The following ZHX3 variants were observed in gnomAD, a reference collection of about 807,000 sequenced individuals.
ZHX3 encodes zinc fingers and homeoboxes protein 3.
ZHX3 carries 20 observed loss-of-function variants against 64.5 expected under a neutral mutation model. The ratio of observed to expected loss-of-function variants is 0.31; its 90% CI spans 0.22 to 0.45. The LOEUF (loss-of-function observed/expected upper bound fraction) is 0.45, where lower values mean the gene tolerates loss of function less well. Ranked by LOEUF, ZHX3 falls within the 20% of genes least tolerant of loss-of-function variation. The pLI, the probability that ZHX3 is intolerant of heterozygous loss-of-function variation, is 1.00. For missense variants in ZHX3, 1,041 were observed against 1,195.8 expected, an observed-to-expected ratio of 0.87 and a Z score of 1.91; for synonymous variants, 423 against 461.6, an observed-to-expected ratio of 0.92 and a Z score of 1.07.
At position 41,185,842 on chromosome 20, in the gene ZHX3, CCAATGG is replaced by C. The variant is rs1160044789; in HGVS notation, c.2861-647_2861-642del. 1 of 152,328 alleles carries C rather than the reference CCAATGG, an allele frequency of 6.6e-6. No homozygotes were observed. The highest frequency in any genetic ancestry group is 6.5e-5 in the Admixed American group (1 of 15,290). 9.4% of individuals were successfully genotyped at this position (152,328 alleles called of 1,614,324 possible). ...CTGTCTCAGACAGAAGAGAACAATG[CCAATGG>C]CAATGGCCACCCCCTGCCATTCCTG... On this transcript the variant is annotated intron_variant, in intron 3 of 3. Transcript: ENST00000683867. This position sits in a 1 kb window ranked among gnomAD's most constrained non-coding sequence, Gnocchi z 5.0.
chr20:41,272,894 A>G (rs76039924), intron 1 of ZHX3, among the ~76,000 whole-genome samples: 2,836 of 152,300 alleles, frequency 0.019, 29 homozygotes, highest in Middle Eastern at 0.031. Flanking sequence ...TATAAACAGG[A>G]GTGGAATTGC....
intron 2 of ZHX3, among the ~76,000 whole-genome samples, chr20:41,268,389 G>A (rs975915901): frequency 2.2e-4 from 34 of 152,018 alleles, no homozygotes; most frequent in African/African-American, 4.3e-4. Flanking sequence ...TTTGCTTTCC[G>A]TATTAAGTTT....
At chr20:41,245,312 C>T (rs1203336617) in intron 2 of ZHX3, among the ~76,000 whole-genome samples, 2 of 152,236 alleles carry the variant, frequency 1.3e-5, no homozygotes, top group African/African-American at 4.8e-5. Flanking sequence ...CAGACTCCTC[C>T]ATGCTGTGCC....
chr20:41,225,956 T>C (rs929506969), intron 2 of ZHX3, among the ~76,000 whole-genome samples: 2 of 152,222 alleles, frequency 1.3e-5, no homozygotes, highest in Non-Finnish European at 2.9e-5. Flanking sequence ...ACCATACTAC[T>C]TTCTAAGAGT....
In ZHX3 at chr20:41,228,504, G is replaced by A. The variant is rs146489910; in HGVS notation, c.-150-23438C>T. Among the ~76,000 whole-genome samples, 200 of 152,324 alleles carry A rather than the reference G, an allele frequency of 1.3e-3. No homozygotes were observed. The highest frequency in any genetic ancestry group is 4.5e-3 in the African/African-American group (187 of 41,570). On this transcript the variant is annotated intron_variant, in intron 2 of 3. Coordinates refer to ENST00000683867, the MANE Select transcript of ZHX3 (RefSeq NM_001384317.1). The surrounding 1 kb of genome is among the most constrained non-coding windows in gnomAD (Gnocchi z 4.6). The stretch of plus-strand genomic sequence containing the variant: ...TTCTTGAGGCCAGGAAGTCCAAGAT[G>A]AAGGTGCTGGCATATTCAGTGTCTG...
chr20:41,296,008 C>A (rs1349111446), intron 1 of ZHX3, among the ~76,000 whole-genome samples: 1 of 152,046 alleles, frequency 6.6e-6, no homozygotes, highest in Non-Finnish European at 1.5e-5. Flanking sequence ...AGTTCATAAA[C>A]AACCAAAAAG....
chr20:41,206,774 A>G (rs927333133), intron 2 of ZHX3, among the ~76,000 whole-genome samples: 2 of 152,218 alleles, frequency 1.3e-5, no homozygotes, highest in Admixed American at 1.3e-4. Flanking sequence ...GCAGGCCAAC[A>G]TTAAAATTCA....
At position 41,236,651 on chromosome 20, in the gene ZHX3, G is replaced by C. The variant is rs910103130; in HGVS notation, c.-150-31585C>G. On this transcript the variant is annotated intron_variant, in intron 2 of 3. Coordinates refer to ENST00000683867, the MANE Select transcript of ZHX3 (RefSeq NM_001384317.1). ...TGGATTAAAGACTTAAATGTTAGAC[G>C]TAAAACCATAAAAACCCTAGAAGAA... Among the ~76,000 whole-genome samples the C allele has an allele frequency of 2.1e-3, 325 of 152,090 alleles. 3 individuals carry two copies. Among genetic ancestry groups the C allele is most frequent in the South Asian group, 0.016 (75 of 4,814 alleles).
chr20:41,190,152 A>ATT (rs1228592400), intron 3 of ZHX3, among the ~76,000 whole-genome samples: 1 of 152,070 alleles, frequency 6.6e-6, no homozygotes, highest in Non-Finnish European at 1.5e-5. Context: ...TTGCATTATA[A>ATT]TTTTTTGAGA....
chr20:41,310,409 C>T (rs577829972), intron 1 of ZHX3, among the ~76,000 whole-genome samples: 1 of 152,266 alleles, frequency 6.6e-6, no homozygotes, highest in South Asian at 2.1e-4. Context: ...TGATAACCAC[C>T]ACCAGACTTG....
At chr20:41,190,346 G>T (rs773517177) in intron 3 of ZHX3, among the ~76,000 whole-genome samples, 2 of 151,988 alleles carry the variant, frequency 1.3e-5, no homozygotes, top group Non-Finnish European at 2.9e-5. Context: ...GGCTAATTTT[G>T]TATTTTTAGA....
chr20:41,281,968 C>T (rs1040628816), intron 1 of ZHX3, among the ~76,000 whole-genome samples: 1 of 152,116 alleles, frequency 6.6e-6, no homozygotes, highest in Non-Finnish European at 1.5e-5. Flanking sequence ...CATTAGGGTG[C>T]TGGCAGGGAA....
chr20:41,314,509 A>G (rs1379087929), intron 1 of ZHX3, among the ~76,000 whole-genome samples: 2 of 152,238 alleles, frequency 1.3e-5, no homozygotes, highest in East Asian at 3.8e-4. Context: ...GGCTTACACT[A>G]TCACTATCAA....
intron 1 of ZHX3, among the ~76,000 whole-genome samples, chr20:41,286,128 C>T (rs771747456): frequency 4.6e-5 from 7 of 152,108 alleles, no homozygotes; most frequent in Non-Finnish European, 7.4e-5. Flanking sequence ...TTCCCATTAC[C>T]CAAAATTAGC....
chr20:41,203,148 G>A lies in ZHX3; in HGVS notation c.1769C>T (p.Thr590Ile). 2 of 1,614,138 alleles carry A rather than the reference G, an allele frequency of 1.2e-6. No homozygotes were observed. Among genetic ancestry groups the A allele is most frequent in the Non-Finnish European group, 1.7e-6 (2 of 1,180,024 alleles). The stretch of plus-strand genomic sequence containing the variant: ...AGGGTGGGTTGCTAGTGTGGCTGTT[G>A]TCGGAATGCAGGTTACCTCAGGGAC... ...SKVPEVTCIP[T>I]TATLATHPSA... Residue 590 changes from threonine to isoleucine, a missense_variant, in exon 3 of 4, where the codon ACA becomes ATA. Around this residue, in one of 4 missense-constraint regions of ZHX3, gnomAD observed 649 missense variants for 739.8 expected, o/e 0.88. Coordinates refer to ENST00000683867, the MANE Select transcript of ZHX3 (RefSeq NM_001384317.1). The surrounding 1 kb of genome is among the most constrained non-coding windows in gnomAD (Gnocchi z 7.1).
intron 1 of ZHX3, among the ~76,000 whole-genome samples, chr20:41,271,637 A>G (rs2043154663): frequency 6.6e-6 from 1 of 152,184 alleles, no homozygotes; most frequent in Non-Finnish European, 1.5e-5. Flanking sequence ...CAGAAGCAAC[A>G]GCCTCATTCA....
At chr20:41,227,352 C>T (rs959543421) in intron 2 of ZHX3, among the ~76,000 whole-genome samples, 12 of 152,160 alleles carry the variant, frequency 7.9e-5, no homozygotes, top group South Asian at 4.1e-4. Flanking sequence ...TAATCTAAAA[C>T]GCAATAAAGT....
chr20:41,196,074 G>T (rs190790046), intron 3 of ZHX3, among the ~76,000 whole-genome samples: 1 of 151,070 alleles, frequency 6.6e-6, no homozygotes, highest in African/African-American at 2.4e-5. Flanking sequence ...GTTGTTGGGT[G>T]GTATTCTGCT....
At chr20:41,244,570 C>A (rs1457086521) in intron 2 of ZHX3, among the ~76,000 whole-genome samples, 1 of 152,064 alleles carries the variant, frequency 6.6e-6, no homozygotes. Context: ...ATGATGAGGG[C>A]CCTTTGATGA....
Sources: allele counts gnomAD v4.1 joint callset (sites outside exome capture counted in the v4.1 genomes callset), GRCh38; gene constraint gnomAD v4.1.1; regional missense constraint gnomAD v4.1.1; non-coding constraint Gnocchi (gnomAD v3.1); transcripts MANE v1.5; gene names NCBI Gene and HGNC (gene_info 2026-07-23, HGNC 2026-07-21).